The following CELF2 variants were observed in gnomAD, a reference collection of about 807,000 sequenced individuals.
The protein encoded by CELF2 is CUGBP Elav-like family member 2.
CELF2 carries 8 observed loss-of-function variants against 62.6 expected under a neutral mutation model. The ratio of observed to expected loss-of-function variants is 0.13; its 90% CI spans 0.07 to 0.23. CELF2 has a LOEUF of 0.23. Among genes scored for constraint, CELF2 ranks in the 10% least tolerant of loss-of-function variants. The pLI, the probability that CELF2 is intolerant of heterozygous loss-of-function variation, is 1.00. For missense variants in CELF2, 333 were observed against 671.0 expected (o/e 0.50, Z 5.56); for synonymous variants, 258 against 250.0 (o/e 1.03, Z -0.30).
At chr10:11,121,313 G>A (rs1334117795) in intron 1 of CELF2, among the ~76,000 whole-genome samples, 1 of 152,166 alleles carries the variant, frequency 6.6e-6, no homozygotes, top group Non-Finnish European at 1.5e-5. Flanking sequence ...CACATAAGAT[G>A]CTGGAGTCTT....
intron 9 of CELF2, 139 bp from the exon 10 acceptor site, chr10:11,314,000 A>G (rs2094743012): frequency 1.2e-6 from 1 of 864,904 alleles, no homozygotes; most frequent in Non-Finnish European, 1.8e-6. Context: ...CACAAGTACA[A>G]TCCCACATGT....
At chr10:11,263,469 A>G (rs911343280) in intron 5 of CELF2, among the ~76,000 whole-genome samples, 27 of 152,288 alleles carry the variant, frequency 1.8e-4, no homozygotes, top group Non-Finnish European at 3.7e-4. Flanking sequence ...TTTCTCCGGC[A>G]TTTGGGTCAG....
chr10:10,648,965 T>C, the CELF2 span, among the ~76,000 whole-genome samples: 12 of 152,314 alleles, frequency 7.9e-5, no homozygotes, highest in East Asian at 1.4e-3. Flanking sequence ...AGCCACTGCA[T>C]TGAAATGTTA....
intron 5 of CELF2, among the ~76,000 whole-genome samples, chr10:11,261,255 C>G (rs563406812): frequency 6.6e-6 from 1 of 152,292 alleles, no homozygotes; most frequent in South Asian, 2.1e-4. Context: ...AATGTCATTT[C>G]TTCCCTGCCA....
In CELF2 at chr10:11,156,411, C is replaced by T. The variant is rs564077569; in HGVS notation, c.75-9075C>T. ...GCTGAGACCATCCTCACCGTCCAGA[C>T]GAGGCCTTCCCTGACCACCTTATTT... On this transcript the variant is annotated intron_variant, in intron 1 of 12. Coordinates refer to ENST00000633077, the MANE Select transcript of CELF2 (RefSeq NM_001326342.2). The surrounding 1 kb of genome is among the most constrained non-coding windows in gnomAD (Gnocchi z 4.3). 3.9e-5 allele frequency among the ~76,000 whole-genome samples: 6 copies of T among 152,252 alleles called. No homozygotes were observed. The highest frequency in any genetic ancestry group is 7.2e-5 in the African/African-American group (3 of 41,550).
At chr10:11,000,457 G>T (rs1055999991), upstream of CELF2, among the ~76,000 whole-genome samples, 4 of 152,158 alleles carry the variant, frequency 2.6e-5, no homozygotes, top group Admixed American at 6.5e-5. Context: ...ACTTTATCAT[G>T]ATAAGGGGCT....
chr10:10,828,503 C>G (rs1472429072), intron 1 of CELF2, among the ~76,000 whole-genome samples: 5 of 152,080 alleles, frequency 3.3e-5, no homozygotes, highest in African/African-American at 9.7e-5. Context: ...GGCGGTCAGG[C>G]ACTGTGTGTG....
At chr10:10,791,273 G>A in the CELF2 span, among the ~76,000 whole-genome samples, 1 of 151,442 alleles carries the variant, frequency 6.6e-6, no homozygotes, top group African/African-American at 2.4e-5. Flanking sequence ...TAGATTGAGT[G>A]TGGTAAACTA....
At chr10:10,839,686 A>T (rs528147127) in intron 1 of CELF2, among the ~76,000 whole-genome samples, 1 of 152,320 alleles carries the variant, frequency 6.6e-6, no homozygotes, top group South Asian at 2.1e-4. Flanking sequence ...GACATTCTGA[A>T]TTCCACCCTG....
chr10:10,950,180 G>T (rs2048165109), intron 2 of CELF2, among the ~76,000 whole-genome samples: 1 of 152,210 alleles, frequency 6.6e-6, no homozygotes, highest in Non-Finnish European at 1.5e-5. Flanking sequence ...CAGGAAGTTT[G>T]CACTGGGAAA....
At chr10:10,629,440 T>G in the CELF2 span, among the ~76,000 whole-genome samples, 2 of 152,218 alleles carry the variant, frequency 1.3e-5, no homozygotes, top group Non-Finnish European at 2.9e-5. Context: ...TGTATTTGCT[T>G]TGTCGTGTTG....
intron 1 of CELF2, among the ~76,000 whole-genome samples, chr10:11,059,939 G>A (rs965865497): frequency 1.3e-5 from 2 of 152,242 alleles, no homozygotes; most frequent in African/African-American, 2.4e-5. Flanking sequence ...GCACAGAATA[G>A]ATGCTCAAAA....
the CELF2 span, among the ~76,000 whole-genome samples, chr10:10,771,888 C>A: frequency 6.6e-6 from 1 of 152,208 alleles, no homozygotes; most frequent in East Asian, 1.9e-4. Flanking sequence ...TCAGAGGCAA[C>A]AACACAGATT....
chr10:10,499,777 C>A, the CELF2 span, among the ~76,000 whole-genome samples: 5 of 152,294 alleles, frequency 3.3e-5, no homozygotes, highest in African/African-American at 1.2e-4. Flanking sequence ...ACTCAGGAGT[C>A]TGAGGCAGGA....
chr10:10,506,038 T>G, the CELF2 span, among the ~76,000 whole-genome samples: 4 of 152,174 alleles, frequency 2.6e-5, no homozygotes, highest in Non-Finnish European at 5.9e-5. Context: ...AGGAAAAGTG[T>G]GTCTACTCCA....
chr10:10,806,098 T>G (rs2055196344), intron 1 of CELF2, among the ~76,000 whole-genome samples: 2 of 152,176 alleles, frequency 1.3e-5, no homozygotes. Context: ...CAGACAGATT[T>G]CCTGGTTTAC....
chr10:10,651,236 G>A, the CELF2 span, among the ~76,000 whole-genome samples: 4 of 131,522 alleles, frequency 3.0e-5, no homozygotes, highest in African/African-American at 1.1e-4. Flanking sequence ...ACAGAATCTC[G>A]CTGATTGCTA....
rs909052793 is a variant in CELF2 at position 10,928,631 on chromosome 10, A to G, written c.89+8632A>G. On this transcript the variant is annotated intron_variant, in intron 2 of 13. Coordinates refer to the CELF2 transcript ENST00000636488. The surrounding 1 kb of genome is among the most constrained non-coding windows in gnomAD (Gnocchi z 4.8). ...CTGAAAATATTTACTGTTTACTTTT[A>G]TAGAAAGGTTTGCTGACCACTGTTC... Among the ~76,000 whole-genome samples the G allele has an allele frequency of 2.0e-5, 3 of 152,150 alleles. No individual in the cohort carries two copies. Among genetic ancestry groups the G allele is most frequent in the Admixed American group, 2.0e-4 (3 of 15,272 alleles).
chr10:11,151,791 CAT>C (rs1184969431), intron 1 of CELF2, among the ~76,000 whole-genome samples: 2 of 152,058 alleles, frequency 1.3e-5, no homozygotes, highest in Non-Finnish European at 2.9e-5. Context: ...TTTTAGGAAA[CAT>C]AGAATATTCT....
Sources: gnomAD v4.1 joint callset for allele counts (sites outside exome capture counted in the v4.1 genomes callset) on GRCh38, gnomAD v4.1.1 for gene constraint, Gnocchi (gnomAD v3.1) non-coding constraint, MANE v1.5 for transcripts, NCBI Gene and HGNC (gene_info 2026-07-23, HGNC 2026-07-21) for gene names.